Variants in SAFB2 observed in about 807,000 individuals in gnomAD.
The protein encoded by SAFB2 is scaffold attachment factor B2.
A neutral mutation model predicts 100.6 loss-of-function variants in SAFB2; 32 were observed. That is an observed-to-expected ratio of 0.32 (90% confidence interval 0.24 to 0.43). The LOEUF is 0.43. Ranked by LOEUF, SAFB2 falls within the 20% of genes least tolerant of loss-of-function variation. The pLI, the probability that SAFB2 is intolerant of heterozygous loss-of-function variation, is 1.00. For synonymous variants in SAFB2, 500 were observed against 439.4 expected, an observed-to-expected ratio of 1.14 and a Z score of -1.72; for missense variants, 1,185 against 1,163.4, an observed-to-expected ratio of 1.02 and a Z score of -0.27.
At chr19:5,612,884 CAGAGA>C (rs140686471) in intron 5 of SAFB2, among the ~76,000 whole-genome samples, 78 of 152,336 alleles carry the variant, frequency 5.1e-4, no homozygotes, top group Non-Finnish European at 8.1e-4. Context: ...CCCCCTTTGT[CAGAGA>C]AGAGGTCACA....
chr19:5,592,518 A>G (rs535718360), intron 16 of SAFB2, among the ~76,000 whole-genome samples: 83 of 152,226 alleles, frequency 5.5e-4, no homozygotes, highest in Non-Finnish European at 3.8e-4. Context: ...CACCTATGAA[A>G]AGAGTCGGTG....
Position 5,616,404 on chromosome 19 carries a change from T to C in SAFB2, c.339+18A>G. On this transcript the variant is annotated intron_variant, in intron 3 of 20. Transcript: ENST00000252542. ...ACAGGGAGCTGCTGCTTGTCATCTC[T>C]ACCCTGACATCACTTACCTGCCCGT... 1.9e-6 allele frequency: 3 copies of C among 1,614,020 alleles called. No homozygotes were observed. The highest frequency in any genetic ancestry group is 2.5e-6 in the Non-Finnish European group (3 of 1,179,946).
intron 2 of SAFB2, among the ~76,000 whole-genome samples, chr19:5,620,549 T>C (rs1339440507): frequency 6.6e-6 from 1 of 152,264 alleles, no homozygotes; most frequent in Non-Finnish European, 1.5e-5. Flanking sequence ...CTTTAAGCAT[T>C]ATGCTACGTG....
intron 18 of SAFB2, among the ~76,000 whole-genome samples, chr19:5,589,860 G>A (rs545889966): frequency 6.6e-6 from 1 of 152,244 alleles, no homozygotes; most frequent in East Asian, 1.9e-4. Flanking sequence ...ATCCACCCCA[G>A]ACCAACTGGG....
At chr19:5,611,836 G>C in intron 6 of SAFB2, 1 of 707,578 alleles carries the variant, frequency 1.4e-6, no homozygotes, top group Non-Finnish European at 2.5e-6. Context: ...TACGCTACAC[G>C]GAAGAGAAAA....
At chr19:5,593,563 T>G in intron 15 of SAFB2, 1 of 273,014 alleles carries the variant, frequency 3.7e-6, no homozygotes, top group Non-Finnish European at 6.8e-6. Context: ...TAACGGGCGT[T>G]CGGTTGTCTC....
rs1171307470 is a variant in SAFB2, at chr19:5,590,317, T to C, written c.2486A>G (p.Lys829Arg). The C allele has an allele frequency of 6.2e-7, 1 of 1,607,896 alleles. No homozygotes were observed. The highest frequency in any genetic ancestry group is 8.5e-7 in the Non-Finnish European group (1 of 1,177,892). Residue 829 changes from lysine to arginine, a missense_variant, in exon 18 of 21, where the codon AAG becomes AGG. Around this residue, in one of 3 missense-constraint regions of SAFB2, gnomAD observed 740 missense variants for 687.1 expected, o/e 1.08. Coordinates refer to ENST00000252542, the MANE Select transcript of SAFB2 (RefSeq NM_014649.3). Reference protein sequence around the residue: ...RDGWGGYGSDKRLSEGRGLPP... With the variant: ...RDGWGGYGSDRRLSEGRGLPP... The stretch of plus-strand genomic sequence containing the variant: ...CAGCCCCCGGCCTTCACTCAGCCTC[T>C]TGTCGGAGCCGTAGCCCCCCCAGCC...
Position 5,590,280 on chromosome 19 carries a change from G to T in SAFB2, c.2523C>A (p.Pro841=), listed in dbSNP as rs117896034. 0.016 allele frequency: 25,720 copies of T among 1,590,522 alleles called. 286 individuals carry two copies. The highest frequency in any genetic ancestry group is 0.025 in the Admixed American group (1,387 of 56,526). Reference sequence around the variant, plus strand: ...CCGGCTGGGGCTCACCCACTAACCTGGGGGGAGGGGGCAGCCCCCGGCCTT... The same window carrying T: ...CCGGCTGGGGCTCACCCACTAACCTTGGGGGAGGGGGCAGCCCCCGGCCTT... ...LSEGRGLPPP[P]RGGRDWGEHN... is the part of the protein sequence containing the mutation. The change falls in exon 18 of 21, where the codon CCC becomes CCA. Residue 841 remains proline (P), a splice_region_variant and synonymous_variant. Coordinates refer to ENST00000252542, the MANE Select transcript of SAFB2 (RefSeq NM_014649.3).
At position 5,610,055 on chromosome 19, in the gene SAFB2, G is replaced by A. The variant is rs201560697; in HGVS notation, c.1236C>T (p.Ser412=). The change falls in exon 9 of 21, where the codon AGC becomes AGT. Residue 412 remains serine, a synonymous_variant. Transcript: ENST00000252542. ...TAGCGCGTGTTGTGGAGGACAGCCCGCTGACCCACAGGTTCCGACCAGAAC... is the reference window on the plus strand; with the variant it reads ...TAGCGCGTGTTGTGGAGGACAGCCCACTGACCCACAGGTTCCGACCAGAAC... ...GSGSGRNLWV[S]GLSSTTRATD... The A allele has an allele frequency of 1.9e-5, 30 of 1,614,154 alleles. No individual in the cohort carries two copies. Among genetic ancestry groups the A allele is most frequent in the East Asian group, 1.6e-4 (7 of 44,882 alleles).
chr19:5,615,537 G>A (rs1033513952), intron 4 of SAFB2, among the ~76,000 whole-genome samples: 1 of 149,982 alleles, frequency 6.7e-6, no homozygotes, highest in African/African-American at 2.5e-5. Context: ...GTGAGATCCC[G>A]CCTCTAAAAA....
chr19:5,601,665 T>C (rs1394467734), intron 11 of SAFB2, among the ~76,000 whole-genome samples: 1 of 151,958 alleles, frequency 6.6e-6, no homozygotes, highest in Non-Finnish European at 1.5e-5. Flanking sequence ...TCAGCCGAGA[T>C]GGCGCCACTG....
chr19:5,609,293 C>T (rs1196976866), intron 9 of SAFB2, among the ~76,000 whole-genome samples: 1 of 147,244 alleles, frequency 6.8e-6, no homozygotes, highest in Non-Finnish European at 1.5e-5. Context: ...CAATTATTCA[C>T]TTCATTCTTT....
intron 1 of SAFB2, among the ~76,000 whole-genome samples, chr19:5,621,697 A>G (rs2053152996): frequency 1.3e-5 from 2 of 152,242 alleles, no homozygotes; most frequent in Non-Finnish European, 2.9e-5. Context: ...CTTTAAAGTT[A>G]TATGATGGGA....
rs1219641293 is a variant in SAFB2 at position 5,595,236 on chromosome 19, C to T, written c.1919+125G>A. ...CTGCCTCGAGGACCCAGGTTAAGCA[C>T]GACACCCGCCAGCCCAGGCACTGGC... is the stretch of plus-strand genomic sequence containing the variant. On this transcript the variant is annotated intron_variant, in intron 14 of 20. Transcript: ENST00000252542. 5.3e-6 allele frequency: 7 copies of T among 1,319,350 alleles called. No homozygotes were observed. In the East Asian group the frequency reaches 7.0e-5, roughly 13 times the overall value. The allele number at this position is 1,319,350 out of a possible 1,614,324, so 81.7% of individuals were successfully genotyped here.
chr19:5,594,750 T>G (rs761147782), intron 14 of SAFB2, among the ~76,000 whole-genome samples: 7 of 152,228 alleles, frequency 4.6e-5, no homozygotes, highest in Non-Finnish European at 1.0e-4. Context: ...AGGCTCAGCC[T>G]GTAATCCAGC....
At chr19:5,599,552 G>A (rs1186795515) in intron 12 of SAFB2, among the ~76,000 whole-genome samples, 1 of 152,068 alleles carries the variant, frequency 6.6e-6, no homozygotes, top group East Asian at 1.9e-4. Flanking sequence ...GTTGGGTTTT[G>A]TCTCTGTTTT....
chr19:5,607,139 T>C (rs1226632941), intron 9 of SAFB2, among the ~76,000 whole-genome samples: 1 of 152,120 alleles, frequency 6.6e-6, no homozygotes, highest in Non-Finnish European at 1.5e-5. Context: ...CGGGCACCTG[T>C]AGTTCCAGCT....
rs1334882385 is a variant in SAFB2 at position 5,587,307 on chromosome 19, C to A, written c.2798G>T (p.Gly933Val). The A allele has an allele frequency of 6.2e-7, 1 of 1,612,302 alleles. No individual in the cohort carries two copies. The highest frequency in any genetic ancestry group is 1.3e-5 in the African/African-American group (1 of 74,870). ...EGGGVASQDR[G>V]SRVPHPHPHP... ...AGGGTGTGGGTGAGGGACTCTGCTGCCCCGGTCCTGGCTGGCCACTCCGCC... is the reference window on the plus strand; with the variant it reads ...AGGGTGTGGGTGAGGGACTCTGCTGACCCGGTCCTGGCTGGCCACTCCGCC... The change falls in exon 21 of 21, where the codon GGC becomes GTC. Residue 933 changes from glycine (G) to valine (V), a missense_variant. Gly to Val is a moderately radical substitution (Grantham distance 109, BLOSUM62 -3). Transcript: ENST00000252542. This position sits in a 1 kb window ranked among gnomAD's most constrained non-coding sequence, Gnocchi z 4.9.
intron 6 of SAFB2, chr19:5,612,255 G>A: frequency 2.0e-6 from 1 of 495,276 alleles, no homozygotes; most frequent in Non-Finnish European, 3.6e-6. Context: ...AGAAACACAT[G>A]GAGGAATCAC....
Sources: allele counts gnomAD v4.1 joint callset (sites outside exome capture counted in the v4.1 genomes callset), GRCh38; gene constraint gnomAD v4.1.1; regional missense constraint gnomAD v4.1.1; non-coding constraint Gnocchi (gnomAD v3.1); transcripts MANE v1.5; gene names NCBI Gene and HGNC (gene_info 2026-07-23, HGNC 2026-07-21).